The following FUT8 variants were observed in gnomAD, a reference collection of about 807,000 sequenced individuals.
FUT8 encodes fucosyltransferase 8.
In FUT8, 29 loss-of-function variants were observed where a neutral mutation model predicts 71.3. That is an observed-to-expected ratio of 0.41 (90% CI 0.30 to 0.55). The LOEUF (loss-of-function observed/expected upper bound fraction) is 0.55. Ranked by LOEUF, FUT8 falls within the 20% of genes least tolerant of loss-of-function variation. The pLI is 0.34. For missense variants in FUT8, 544 were observed against 702.1 expected (o/e 0.77, Z 2.55); for synonymous variants, 254 against 239.3 (o/e 1.06, Z -0.57).
At chr14:65,673,324 T>C (rs1346945600) in intron 7 of FUT8, among the ~76,000 whole-genome samples, 1 of 152,228 alleles carries the variant, frequency 6.6e-6, no homozygotes, top group African/African-American at 2.4e-5. Context: ...TTAAAGTATT[T>C]GCTATTTGCT....
At chr14:65,539,098 C>T (rs1884522813) in intron 2 of FUT8, among the ~76,000 whole-genome samples, 1 of 152,136 alleles carries the variant, frequency 6.6e-6, no homozygotes, top group Non-Finnish European at 1.5e-5. Context: ...TGAGAAAACT[C>T]ACATCGATAC....
Position 65,429,858 on chromosome 14 carries a change from T to A in FUT8, c.-326+16644T>A, listed in dbSNP as rs576602816. Among the ~76,000 whole-genome samples, 5 of 56,098 alleles carry A rather than the reference T, an allele frequency of 8.9e-5. No individual in the cohort carries two copies. The South Asian group carries it at 4.5e-3, about 50-fold the overall frequency. The allele number at this position is 56,098 out of a possible 152,430, so 36.8% of individuals were successfully genotyped here. ...CAGCCTGGATAGTAGAGTGAGACTG[T>A]CTCAAAAAAAAAAAAAAAAAAAAAA... On this transcript the variant is annotated intron_variant, in intron 1 of 10. Coordinates refer to ENST00000673929, the MANE Select transcript of FUT8 (RefSeq NM_001371533.1).
intron 6 of FUT8, among the ~76,000 whole-genome samples, chr14:65,659,171 A>T (rs1891837833): frequency 6.6e-6 from 1 of 151,880 alleles, no homozygotes; most frequent in Non-Finnish European, 1.5e-5. Context: ...GGTGATCTTG[A>T]GGTGTTTTTT....
chr14:65,650,316 A>G (rs542556448), intron 6 of FUT8, among the ~76,000 whole-genome samples: 1 of 149,458 alleles, frequency 6.7e-6, no homozygotes, highest in African/African-American at 2.5e-5. Flanking sequence ...AAAAAAAAAA[A>G]AAAAAAAAAA....
intron 5 of FUT8, among the ~76,000 whole-genome samples, chr14:65,626,416 G>A (rs1889898648): frequency 6.6e-6 from 1 of 152,126 alleles, no homozygotes; most frequent in Non-Finnish European, 1.5e-5. Flanking sequence ...CTCTGATTCA[G>A]ACTTTCTGAT....
At chr14:65,654,170 A>C (rs1891545381) in intron 6 of FUT8, among the ~76,000 whole-genome samples, 1 of 152,246 alleles carries the variant, frequency 6.6e-6, no homozygotes, top group Admixed American at 6.5e-5. Context: ...ATGTCATAAA[A>C]GTGGGGAGAG....
At chr14:65,457,670 G>C (rs921494251) in intron 2 of FUT8, among the ~76,000 whole-genome samples, 5 of 152,172 alleles carry the variant, frequency 3.3e-5, no homozygotes, top group Non-Finnish European at 5.9e-5. Context: ...GAGCAAGCAG[G>C]GGGTACGTGA....
intron 1 of FUT8, among the ~76,000 whole-genome samples, chr14:65,455,091 A>T (rs1239928904): frequency 6.6e-6 from 1 of 152,206 alleles, no homozygotes. Context: ...GTTTTTTAAA[A>T]AAAGGAATGT....
intron 2 of FUT8, among the ~76,000 whole-genome samples, chr14:65,493,298 A>G (rs2066510224): frequency 6.6e-6 from 1 of 152,080 alleles, no homozygotes; most frequent in South Asian, 2.1e-4. Flanking sequence ...CTATCATGTA[A>G]TGCAGACCAC....
intron 7 of FUT8, among the ~76,000 whole-genome samples, chr14:65,713,480 T>A (rs1894904081): frequency 6.6e-6 from 1 of 152,216 alleles, no homozygotes. Flanking sequence ...ATGTCTAAAC[T>A]GTTCTCTGTA....
rs890223155 is a variant in FUT8, at chr14:65,652,444, T to C, written c.598-16799T>C. Among the ~76,000 whole-genome samples, 2 of 152,160 alleles carry C rather than the reference T, an allele frequency of 1.3e-5. No individual in the cohort carries two copies. Among genetic ancestry groups the C allele is most frequent in the Non-Finnish European group, 2.9e-5 (2 of 68,030 alleles). On this transcript the variant is annotated intron_variant, in intron 6 of 10. Coordinates refer to ENST00000673929, the MANE Select transcript of FUT8 (RefSeq NM_001371533.1). This position sits in a 1 kb window ranked among gnomAD's most constrained non-coding sequence, Gnocchi z 4.0. Reference sequence around the variant, plus strand: ...TTAGTGTACTTCTTCTTCTGGCCTTTGGATATGATGTGAGAAGCTTGAGAG... The same window carrying C: ...TTAGTGTACTTCTTCTTCTGGCCTTCGGATATGATGTGAGAAGCTTGAGAG...
intron 6 of FUT8, among the ~76,000 whole-genome samples, chr14:65,649,573 G>T (rs1366678931): frequency 6.6e-6 from 1 of 152,138 alleles, no homozygotes; most frequent in Non-Finnish European, 1.5e-5. Flanking sequence ...TTAAATAATG[G>T]ATGAAAATGG....
chr14:65,506,226 C>G (rs1014937139), intron 2 of FUT8, among the ~76,000 whole-genome samples: 2 of 152,058 alleles, frequency 1.3e-5, no homozygotes, highest in African/African-American at 2.4e-5. Flanking sequence ...AATTGGTATA[C>G]TTTTGGTTAA....
chr14:65,590,415 A>G (rs1304335049), intron 3 of FUT8, among the ~76,000 whole-genome samples: 3 of 152,220 alleles, frequency 2.0e-5, no homozygotes, highest in Non-Finnish European at 4.4e-5. Context: ...CTTAACCTGC[A>G]GAATTGTTTT....
chr14:65,484,233 T>C (rs2066375312), intron 2 of FUT8, among the ~76,000 whole-genome samples: 1 of 152,228 alleles, frequency 6.6e-6, no homozygotes, highest in Non-Finnish European at 1.5e-5. Context: ...ACAATCCTTT[T>C]ATTTCTTTTT....
chr14:65,526,950 T>G (rs1883517252), intron 2 of FUT8, among the ~76,000 whole-genome samples: 1 of 152,240 alleles, frequency 6.6e-6, no homozygotes, highest in African/African-American at 2.4e-5. Context: ...TCTGATGGGC[T>G]TCACTTTGTG....
In FUT8 at chr14:65,611,303, C is replaced by CACACACACACA. The variant is rs1566851612; in HGVS notation, c.204-4675_204-4674insACACACACACA. Among the ~76,000 whole-genome samples, 15 of 42,542 alleles carry CACACACACACA rather than the reference C, an allele frequency of 3.5e-4. 3 individuals carry two copies. Among genetic ancestry groups the CACACACACACA allele is most frequent in the African/African-American group, 1.6e-3 (14 of 8,534 alleles). The allele number at this position is 42,542 out of a possible 152,430, so 27.9% of individuals were successfully genotyped here. A position where few individuals can be genotyped will look rare whatever the true frequency, so the allele number is the denominator to read the frequency against. ...CACACACACACACACACACACACAC[C>CACACACACACA]CCCCAAGTAATAGCCTTGATTTTGC... On this transcript the variant is annotated intron_variant, in intron 3 of 10. Transcript: ENST00000673929.
chr14:65,597,366 C>T (rs1311635164), intron 3 of FUT8, among the ~76,000 whole-genome samples: 4 of 152,172 alleles, frequency 2.6e-5, no homozygotes, highest in African/African-American at 7.2e-5. Flanking sequence ...CGATGGCTCA[C>T]GCCTGTAATC....
At chr14:65,640,966 T>C (rs1272046832) in intron 6 of FUT8, among the ~76,000 whole-genome samples, 1 of 152,198 alleles carries the variant, frequency 6.6e-6, no homozygotes, top group African/African-American at 2.4e-5. Flanking sequence ...GGTAATCTCT[T>C]TATCATTTGG....
Sources: allele counts gnomAD v4.1 joint callset (sites outside exome capture counted in the v4.1 genomes callset), GRCh38; gene constraint gnomAD v4.1.1; non-coding constraint Gnocchi (gnomAD v3.1); transcripts MANE v1.5; gene names NCBI Gene and HGNC (gene_info 2026-07-23, HGNC 2026-07-21).